The following NOS1AP variants were observed in gnomAD, a reference collection of about 807,000 sequenced individuals.
The protein encoded by NOS1AP is nitric oxide synthase 1 adaptor protein.
A neutral mutation model predicts 56.2 loss-of-function variants in NOS1AP; 21 were observed. That is an observed-to-expected ratio of 0.37 (90% CI 0.26 to 0.54). The LOEUF is 0.54. Among genes scored for constraint, NOS1AP ranks in the 20% least tolerant of loss-of-function variants. The pLI is 0.84. For missense variants in NOS1AP, 522 were observed against 657.8 expected, an observed-to-expected ratio of 0.79 and a Z score of 2.26; for synonymous variants, 270 against 274.6, an observed-to-expected ratio of 0.98 and a Z score of 0.17.
At chr1:162,253,807 C>A (rs541052515) in intron 2 of NOS1AP, among the ~76,000 whole-genome samples, 1 of 151,714 alleles carries the variant, frequency 6.6e-6, no homozygotes, top group African/African-American at 2.4e-5. Context: ...CACTTTTTTT[C>A]TCTTATAAAT....
chr1:162,124,704 G>A (rs1648405105), intron 1 of NOS1AP, among the ~76,000 whole-genome samples: 1 of 152,004 alleles, frequency 6.6e-6, no homozygotes, highest in African/African-American at 2.4e-5. Context: ...TGTATTTTTA[G>A]CAGCAATGGA....
chr1:162,105,588 G>C lies in NOS1AP; in HGVS notation c.105+35306G>C, dbSNP rs141378751. Among the ~76,000 whole-genome samples the C allele has an allele frequency of 2.0e-4, 30 of 152,336 alleles. No individual in the cohort carries two copies. In the South Asian group the frequency reaches 5.0e-3, roughly 25 times the overall value. The stretch of plus-strand genomic sequence containing the variant: ...GTAGGGAGAGATCAGAGCTCTCTCT[G>C]TAGAACCCTTGCTGGAGTGGCTGAA... On this transcript the variant is annotated intron_variant, in intron 1 of 9. Coordinates refer to ENST00000361897, the MANE Select transcript of NOS1AP (RefSeq NM_014697.3).
At position 162,095,204 on chromosome 1, in the gene NOS1AP, T is replaced by C. The variant is rs560642630; in HGVS notation, c.105+24922T>C. Among the ~76,000 whole-genome samples, 9 of 152,322 alleles carry C rather than the reference T, an allele frequency of 5.9e-5. No individual in the cohort carries two copies. The South Asian group carries it at 1.9e-3, about 32-fold the overall frequency. On this transcript the variant is annotated intron_variant, in intron 1 of 9. Transcript: ENST00000361897. The stretch of plus-strand genomic sequence containing the variant: ...CCGAATTTTTGTGTTGAGGCCCTAA[T>C]GCCCAGTGTGATGCTATTTGGAGGT...
At chr1:162,366,240 G>A (rs1658080966) in intron 9 of NOS1AP, among the ~76,000 whole-genome samples, 1 of 152,154 alleles carries the variant, frequency 6.6e-6, no homozygotes, top group Non-Finnish European at 1.5e-5. Flanking sequence ...CTCAGAGTGT[G>A]TGTGGGCTGT....
At chr1:162,156,768 TTTATTTA>T (rs1649993300) in intron 2 of NOS1AP, among the ~76,000 whole-genome samples, 1 of 152,184 alleles carries the variant, frequency 6.6e-6, no homozygotes, top group Non-Finnish European at 1.5e-5. Context: ...ATTTTATTAT[TTTATTTA>T]TTATTTACAA....
At chr1:162,156,473 C>G (rs1036952022) in intron 2 of NOS1AP, among the ~76,000 whole-genome samples, 2 of 152,090 alleles carry the variant, frequency 1.3e-5, no homozygotes, top group African/African-American at 2.4e-5. Flanking sequence ...ACAGAGGCCT[C>G]GGCTGGGGAA....
intron 1 of NOS1AP, among the ~76,000 whole-genome samples, chr1:162,115,456 C>G (rs1296681121): frequency 2.6e-5 from 4 of 151,380 alleles, no homozygotes; most frequent in Non-Finnish European, 5.9e-5. Flanking sequence ...GCCAACTGAA[C>G]TGGGAGTTGT....
intron 1 of NOS1AP, among the ~76,000 whole-genome samples, chr1:162,151,466 T>C (rs1325374228): frequency 6.6e-6 from 1 of 152,240 alleles, no homozygotes; most frequent in Non-Finnish European, 1.5e-5. Flanking sequence ...TCAGCTGTTT[T>C]CTTTTTGCTC....
intron 2 of NOS1AP, among the ~76,000 whole-genome samples, chr1:162,223,755 G>A (rs1011628583): frequency 2.0e-5 from 3 of 152,222 alleles, no homozygotes; most frequent in African/African-American, 4.8e-5. Flanking sequence ...CAAAGCATGC[G>A]CCTTGCAGTT....
intron 2 of NOS1AP, among the ~76,000 whole-genome samples, chr1:162,259,561 A>G (rs1201252893): frequency 6.6e-6 from 1 of 152,158 alleles, no homozygotes; most frequent in African/African-American, 2.4e-5. Context: ...TTTGGTTTTT[A>G]TATTTTGTTA....
At position 162,355,211 on chromosome 1, in the gene NOS1AP, G is replaced by A. The variant is rs1418975346; in HGVS notation, c.620G>A (p.Arg207Lys). The A allele has an allele frequency of 5.0e-6, 8 of 1,614,024 alleles. No individual in the cohort carries two copies. The East Asian group carries it at 1.6e-4, about 31-fold the overall frequency. ...GGCCGCCAGCTCACTGGAGCCGAGA[G>A]GGCCTCCACGGCCACTGCAGAGGAG... Reference protein sequence around the residue: ...DPGRQLTGAERASTATAEETD... With the variant: ...DPGRQLTGAEKASTATAEETD... Residue 207 changes from arginine to lysine, a missense_variant, in exon 7 of 10, where the codon AGG (arginine) becomes AAG (lysine). Coordinates refer to ENST00000361897, the MANE Select transcript of NOS1AP (RefSeq NM_014697.3).
chr1:162,283,260 G>A (rs964227625), intron 2 of NOS1AP, among the ~76,000 whole-genome samples: 3 of 152,130 alleles, frequency 2.0e-5, no homozygotes, highest in East Asian at 3.9e-4. Flanking sequence ...TGCTAAATGT[G>A]TGAGGAGCAT....
chr1:162,326,578 A>G (rs373391976), intron 4 of NOS1AP, among the ~76,000 whole-genome samples: 59 of 152,328 alleles, frequency 3.9e-4, no homozygotes, highest in South Asian at 2.5e-3. Flanking sequence ...AAGTTCCAAG[A>G]TCTGCAATTG....
intron 3 of NOS1AP, 26 bp from the exon 4 acceptor site, chr1:162,300,607 G>T: frequency 6.2e-7 from 1 of 1,602,176 alleles, no homozygotes; most frequent in Non-Finnish European, 8.6e-7. Flanking sequence ...TGTAACTGAG[G>T]ACAAGCCTAA....
intron 8 of NOS1AP, among the ~76,000 whole-genome samples, chr1:162,358,930 C>T (rs1008803686): frequency 6.6e-6 from 1 of 152,152 alleles, no homozygotes; most frequent in Non-Finnish European, 1.5e-5. Context: ...TGGAAGGAAG[C>T]ATTCAATCTC....
chr1:162,149,526 T>C (rs1283138660), intron 1 of NOS1AP, among the ~76,000 whole-genome samples: 1 of 152,228 alleles, frequency 6.6e-6, no homozygotes, highest in Admixed American at 6.5e-5. Flanking sequence ...AGGTACTCTT[T>C]GTTGTGGTGT....
chr1:162,125,633 G>T (rs1375497398), intron 1 of NOS1AP, among the ~76,000 whole-genome samples: 1 of 152,078 alleles, frequency 6.6e-6, no homozygotes, highest in African/African-American at 2.4e-5. Context: ...ATTGATGTGT[G>T]TATCTGCTTT....
At chr1:162,309,070 A>T (rs140880014) in intron 4 of NOS1AP, among the ~76,000 whole-genome samples, 4 of 152,318 alleles carry the variant, frequency 2.6e-5, no homozygotes, top group African/African-American at 7.2e-5. Context: ...TGTTTTTGTT[A>T]TAAAAATTAT....
chr1:162,265,235 T>TA (rs1654382244), intron 2 of NOS1AP, among the ~76,000 whole-genome samples: 3 of 150,412 alleles, frequency 2.0e-5, no homozygotes, highest in African/African-American at 7.4e-5. Flanking sequence ...TTTTTTTTTT[T>TA]TTATTATTTT....
Sources: gnomAD v4.1 joint callset for allele counts (sites outside exome capture counted in the v4.1 genomes callset) on GRCh38, gnomAD v4.1.1 for gene constraint, MANE v1.5 for transcripts, NCBI Gene and HGNC (gene_info 2026-07-23, HGNC 2026-07-21) for gene names.